The following GPC5 variants were observed in gnomAD, a reference collection of about 807,000 sequenced individuals.
GPC5 encodes glypican 5.
In GPC5, 47 loss-of-function variants were observed where a neutral mutation model predicts 53.9. The ratio of observed to expected loss-of-function variants is 0.87; its 90% CI spans 0.69 to 1.11. The LOEUF (loss-of-function observed/expected upper bound fraction) is 1.11. GPC5 is among the 50% of genes most tolerant of loss of function. The pLI, the probability that GPC5 is intolerant of heterozygous loss-of-function variation, is 0.00. For synonymous variants in GPC5, 286 were observed against 263.3 expected, an observed-to-expected ratio of 1.09 and a Z score of -0.84; for missense variants, 748 against 713.1, an observed-to-expected ratio of 1.05 and a Z score of -0.56.
At chr13:92,103,342 T>C (rs2041481751) in intron 6 of GPC5, among the ~76,000 whole-genome samples, 1 of 152,172 alleles carries the variant, frequency 6.6e-6, no homozygotes, top group Non-Finnish European at 1.5e-5. Context: ...TAATTACAAA[T>C]TATGTTATTA....
intron 2 of GPC5, among the ~76,000 whole-genome samples, chr13:91,514,202 T>C (rs1885379436): frequency 6.6e-6 from 1 of 152,204 alleles, no homozygotes; most frequent in Non-Finnish European, 1.5e-5. Flanking sequence ...ATAGCATGTT[T>C]AGTTTTATAA....
At chr13:91,680,313 G>T (rs1253058787) in intron 2 of GPC5, among the ~76,000 whole-genome samples, 3 of 152,174 alleles carry the variant, frequency 2.0e-5, no homozygotes, top group Non-Finnish European at 4.4e-5. Flanking sequence ...GCCAGGCATG[G>T]TGGCATATGC....
At chr13:91,648,296 G>A (rs953345759) in intron 2 of GPC5, among the ~76,000 whole-genome samples, 10 of 152,148 alleles carry the variant, frequency 6.6e-5, no homozygotes, top group Non-Finnish European at 1.5e-4. Context: ...TATTGGAAGA[G>A]TGGCACTGTT....
At chr13:92,780,151 C>T (rs1674148728) in intron 7 of GPC5, among the ~76,000 whole-genome samples, 1 of 151,846 alleles carries the variant, frequency 6.6e-6, no homozygotes, top group African/African-American at 2.4e-5. Context: ...AACACTGTTA[C>T]TAAATATTAT....
chr13:91,673,420 C>T lies in GPC5; in HGVS notation c.326-19767C>T, dbSNP rs184903527. Among the ~76,000 whole-genome samples, 363 of 152,230 alleles carry T rather than the reference C, an allele frequency of 2.4e-3. 1 individual carries two copies. The highest frequency in any genetic ancestry group is 7.4e-3 in the African/African-American group (309 of 41,542). ...TTTTCTGAACATCTATACTAACCAT[C>T]GATGACATAACAACTGGTTGTTCAC... On this transcript the variant is annotated intron_variant, in intron 2 of 7. Transcript: ENST00000377067.
intron 2 of GPC5, among the ~76,000 whole-genome samples, chr13:91,576,385 T>C (rs1446152282): frequency 6.6e-6 from 1 of 151,914 alleles, no homozygotes; most frequent in African/African-American, 2.4e-5. Context: ...ACTTAGTAGT[T>C]AGAAATAAAT....
intron 5 of GPC5, among the ~76,000 whole-genome samples, chr13:91,795,740 C>T (rs2038036516): frequency 6.6e-6 from 1 of 152,096 alleles, no homozygotes; most frequent in South Asian, 2.1e-4. Context: ...CCCCTGCATC[C>T]TGTGTGTTGA....
intron 5 of GPC5, among the ~76,000 whole-genome samples, chr13:91,888,762 C>G (rs2039353668): frequency 6.6e-6 from 1 of 152,086 alleles, no homozygotes; most frequent in South Asian, 2.1e-4. Context: ...AGTTGCTTAT[C>G]AGTAGTTTCC....
At chr13:92,323,410 T>C (rs2043229092) in intron 7 of GPC5, among the ~76,000 whole-genome samples, 1 of 151,086 alleles carries the variant, frequency 6.6e-6, no homozygotes, top group Non-Finnish European at 1.5e-5. Context: ...ATATGTATTT[T>C]TCGTAAAATA....
At chr13:92,073,315 G>A (rs2138868788) in intron 6 of GPC5, among the ~76,000 whole-genome samples, 1 of 152,294 alleles carries the variant, frequency 6.6e-6, no homozygotes, top group South Asian at 2.1e-4. Flanking sequence ...AAGCCAGAGG[G>A]CCATAGCTTG....
intron 7 of GPC5, among the ~76,000 whole-genome samples, chr13:92,666,337 G>A (rs138172051): frequency 6.6e-6 from 1 of 152,066 alleles, no homozygotes; most frequent in African/African-American, 2.4e-5. Context: ...AACATTTGCT[G>A]AATTCAAGAT....
At chr13:91,854,989 A>T (rs1186224003) in intron 5 of GPC5, among the ~76,000 whole-genome samples, 1 of 151,800 alleles carries the variant, frequency 6.6e-6, no homozygotes, top group Non-Finnish European at 1.5e-5. Flanking sequence ...TTGCCTGGAA[A>T]TGTGAATACA....
At chr13:91,407,961 A>G (rs1877451145) in intron 1 of GPC5, among the ~76,000 whole-genome samples, 1 of 152,210 alleles carries the variant, frequency 6.6e-6, no homozygotes, top group African/African-American at 2.4e-5. Context: ...CACATACAAC[A>G]TGATGGTTTG....
Position 91,618,507 on chromosome 13 carries a change from CAT to C in GPC5, c.326-74679_326-74678del, listed in dbSNP as rs544056642. On this transcript the variant is annotated intron_variant, in intron 2 of 7. Transcript: ENST00000377067. ...GATCACTACTCTCTCTCAGCCCACT[CAT>C]GTGTACACAGCCCGGTTCATGTGCT... Among the ~76,000 whole-genome samples, 958 of 152,172 alleles carry C rather than the reference CAT, an allele frequency of 6.3e-3. 7 individuals carry two copies. Among genetic ancestry groups the C allele is most frequent in the Non-Finnish European group, 0.01 (687 of 67,986 alleles).
intron 6 of GPC5, among the ~76,000 whole-genome samples, chr13:92,005,600 A>G (rs1369928862): frequency 6.6e-6 from 1 of 152,188 alleles, no homozygotes; most frequent in Non-Finnish European, 1.5e-5. Context: ...TATGTATTAT[A>G]TATGTATATA....
chr13:92,370,587 T>G (rs560176314), intron 7 of GPC5, among the ~76,000 whole-genome samples: 1 of 151,854 alleles, frequency 6.6e-6, no homozygotes, highest in African/African-American at 2.4e-5. Context: ...ATGGAAAAAA[T>G]ATATGAAAAA....
chr13:91,786,269 A>G (rs1219841349), intron 5 of GPC5, among the ~76,000 whole-genome samples: 1 of 152,206 alleles, frequency 6.6e-6, no homozygotes, highest in Non-Finnish European at 1.5e-5. Flanking sequence ...TGCTGGGATT[A>G]CAGGCGTGAG....
chr13:91,994,657 C>T (rs1243602550), intron 6 of GPC5: 1 of 152,146 alleles, frequency 6.6e-6, no homozygotes, highest in Non-Finnish European at 1.5e-5. Context: ...AGGGCCCTGC[C>T]TGTAGGATTT....
intron 2 of GPC5, among the ~76,000 whole-genome samples, chr13:91,668,904 C>T: frequency 6.6e-6 from 1 of 152,098 alleles, no homozygotes; most frequent in East Asian, 1.9e-4. Flanking sequence ...GAGAATTCAA[C>T]CAATCCATTT....
Sources: gnomAD v4.1 joint callset for allele counts (sites outside exome capture counted in the v4.1 genomes callset) on GRCh38, gnomAD v4.1.1 for gene constraint, MANE v1.5 for transcripts, NCBI Gene and HGNC (gene_info 2026-07-23, HGNC 2026-07-21) for gene names.